ADGRL3: variants seen among roughly 807,000 people sequenced by gnomAD.
ADGRL3 encodes the protein adhesion G protein-coupled receptor L3.
Under a neutral mutation model 153.5 loss-of-function variants are expected in ADGRL3, and 62 were observed. The ratio of observed to expected loss-of-function variants is 0.40; its 90% CI spans 0.33 to 0.50. The LOEUF is 0.50. Among genes scored for constraint, ADGRL3 ranks in the 20% least tolerant of loss-of-function variants. ADGRL3 has a pLI of 0.47. For synonymous variants in ADGRL3, 710 were observed against 672.5 expected (o/e 1.06, Z -0.86); for missense variants, 1,641 against 1,859.4 (o/e 0.88, Z 2.16).
intron 13 of ADGRL3, among the ~76,000 whole-genome samples, chr4:61,930,666 A>C (rs2150095607): frequency 6.6e-6 from 1 of 152,310 alleles, no homozygotes; most frequent in South Asian, 2.1e-4. Flanking sequence ...GTCGCATTAA[A>C]AAATAATGCA....
intron 4 of ADGRL3, 82 bp from the exon 5 acceptor site, chr4:61,587,145 A>G (rs2098949737): frequency 1.2e-6 from 1 of 847,242 alleles, no homozygotes; most frequent in Admixed American, 2.6e-5. Flanking sequence ...ATTTACCCCA[A>G]ACATTGGAAA....
chr4:61,983,021 A>G (rs1260636906), intron 18 of ADGRL3, among the ~76,000 whole-genome samples: 1 of 152,036 alleles, frequency 6.6e-6, no homozygotes, highest in Non-Finnish European at 1.5e-5. Flanking sequence ...CTCTGACTCT[A>G]ACTCTAACTC....
chr4:61,754,688 A>T (rs1212798463), intron 8 of ADGRL3, among the ~76,000 whole-genome samples: 7 of 152,202 alleles, frequency 4.6e-5, no homozygotes, highest in Middle Eastern at 6.8e-3. Context: ...TTACATATGT[A>T]TACATGTGCC....
intron 3 of ADGRL3, among the ~76,000 whole-genome samples, chr4:61,512,482 A>G (rs2098468830): frequency 6.6e-6 from 1 of 152,142 alleles, no homozygotes; most frequent in African/African-American, 2.4e-5. Context: ...TTATAGATCT[A>G]TGATTTAAAT....
intron 6 of ADGRL3, among the ~76,000 whole-genome samples, chr4:61,685,785 T>C (rs1186688240): frequency 6.6e-6 from 1 of 152,118 alleles, no homozygotes; most frequent in Non-Finnish European, 1.5e-5. Context: ...CAAAATATGT[T>C]TGCAGAAGAG....
rs145762975 is a variant in ADGRL3, at chr4:61,482,270, A to G, written c.-173-14851A>G. ...GCTTCAACACTTTTCATTGTAAAAA[A>G]TCATCTGCTTTATCAGTCATCACTG... is the stretch of plus-strand genomic sequence containing the variant. On this transcript the variant is annotated intron_variant, in intron 2 of 26. Transcript: ENST00000683033. 6.9e-4 allele frequency among the ~76,000 whole-genome samples: 105 copies of G among 152,314 alleles called. 2 individuals are homozygous for G. In the East Asian group the frequency reaches 0.019, roughly 28 times the overall value.
intron 4 of ADGRL3, among the ~76,000 whole-genome samples, chr4:61,558,173 C>CATATATATATATATATAT (rs33947698): frequency 1.7e-4 from 22 of 129,030 alleles, no homozygotes; most frequent in South Asian, 1.0e-3. Context: ...ATGTAGGAAT[C>CATATATATATATATATAT]ATATATATAT....
intron 6 of ADGRL3, among the ~76,000 whole-genome samples, chr4:61,696,409 TAA>T (rs1362766062): frequency 6.6e-6 from 1 of 152,152 alleles, no homozygotes; most frequent in African/African-American, 2.4e-5. Context: ...AATGGTAGAC[TAA>T]GTGTGAATTT....
At chr4:61,436,223 A>C (rs1043626809) in intron 2 of ADGRL3, among the ~76,000 whole-genome samples, 10 of 152,162 alleles carry the variant, frequency 6.6e-5, no homozygotes, top group African/African-American at 2.4e-4. Flanking sequence ...ATTTCTAAAG[A>C]GGTTATAAAA....
chr4:61,835,948 G>A (rs1212128137), intron 9 of ADGRL3, among the ~76,000 whole-genome samples: 1 of 152,016 alleles, frequency 6.6e-6, no homozygotes, highest in African/African-American at 2.4e-5. Flanking sequence ...TAATTTTTAG[G>A]GGTAATCATG....
Position 61,852,503 on chromosome 4 carries a change from C to T in ADGRL3, c.1480+38614C>T, listed in dbSNP as rs994701156. Among the ~76,000 whole-genome samples the T allele has an allele frequency of 2.6e-5, 4 of 151,770 alleles. No individual in the cohort carries two copies. In the East Asian group the frequency reaches 5.8e-4, roughly 22 times the overall value. On this transcript the variant is annotated intron_variant, in intron 9 of 26. Transcript: ENST00000683033. Reference sequence around the variant, plus strand: ...CTAATTTTTGTCTTTTTAGTAGAGACGGGGTTTCGCCATGTTGGCCAGGCT... The same window carrying T: ...CTAATTTTTGTCTTTTTAGTAGAGATGGGGTTTCGCCATGTTGGCCAGGCT...
chr4:61,614,030 TA>T (rs1429552107), intron 5 of ADGRL3, among the ~76,000 whole-genome samples: 14 of 152,148 alleles, frequency 9.2e-5, no homozygotes, highest in African/African-American at 2.7e-4. Context: ...TCTCCACGTT[TA>T]TTTTTTTTAA....
chr4:61,346,981 A>T (rs1016798535), intron 1 of ADGRL3, among the ~76,000 whole-genome samples: 15 of 152,052 alleles, frequency 9.9e-5, no homozygotes, highest in African/African-American at 1.2e-4. Flanking sequence ...TAAGGAAGAG[A>T]GTACTAGAGG....
chr4:61,939,004 G>C (rs770377977), intron 15 of ADGRL3, among the ~76,000 whole-genome samples: 25 of 151,312 alleles, frequency 1.7e-4, no homozygotes, highest in Non-Finnish European at 2.8e-4. Context: ...GTTGGGGCCA[G>C]AAATAAGATA....
At position 61,742,938 on chromosome 4, in the gene ADGRL3, A is replaced by T. The variant is rs2096600009; in HGVS notation, c.1399+9384A>T. Among the ~76,000 whole-genome samples, 3 of 152,168 alleles carry T rather than the reference A, an allele frequency of 2.0e-5. 1 individual carries two copies. Among genetic ancestry groups the T allele is most frequent in the Admixed American group, 2.0e-4 (3 of 15,280 alleles). ...ATCTATTTATACTAGCGAAGATACAAATCAAAATTAGCCAGTGCTTTCTAT... is the reference window on the plus strand; with the variant it reads ...ATCTATTTATACTAGCGAAGATACATATCAAAATTAGCCAGTGCTTTCTAT... On this transcript the variant is annotated intron_variant, in intron 8 of 26. Transcript: ENST00000683033.
intron 2 of ADGRL3, among the ~76,000 whole-genome samples, chr4:61,484,325 T>C (rs1274415158): frequency 6.6e-6 from 1 of 152,170 alleles, no homozygotes; most frequent in Non-Finnish European, 1.5e-5. Context: ...TGAGGAGATG[T>C]TTTTGACTGC....
intron 9 of ADGRL3, among the ~76,000 whole-genome samples, chr4:61,846,071 C>G (rs894092194): frequency 6.6e-6 from 1 of 152,032 alleles, no homozygotes; most frequent in Non-Finnish European, 1.5e-5. Flanking sequence ...TTCCAGCATT[C>G]CAGAAGGCCA....
chr4:61,841,818 CTT>C (rs1192147100), intron 9 of ADGRL3, among the ~76,000 whole-genome samples: 1 of 152,162 alleles, frequency 6.6e-6, no homozygotes, highest in East Asian at 1.9e-4. Context: ...GCTGTCTAGA[CTT>C]TACTCTTGTG....
chr4:61,874,789 C>CTTTTTTTTT lies in ADGRL3; in HGVS notation c.1481-17845_1481-17837dup, dbSNP rs11432355. Among the ~76,000 whole-genome samples the CTTTTTTTTT allele has an allele frequency of 1.9e-4, 12 of 61,550 alleles. 2 individuals are homozygous for CTTTTTTTTT. Among genetic ancestry groups the CTTTTTTTTT allele is most frequent in the African/African-American group, 3.2e-4 (5 of 15,432 alleles). 40.4% of individuals were successfully genotyped at this position (61,550 alleles called of 152,430 possible). The stretch of plus-strand genomic sequence containing the variant: ...ATATTTTCAACGACATCAAAATGCT[C>CTTTTTTTTT]TTTTTTTTTTTTTTTTTTTTTTTTT... On this transcript the variant is annotated intron_variant, in intron 9 of 26. Transcript: ENST00000683033.
Sources: allele counts gnomAD v4.1 joint callset (sites outside exome capture counted in the v4.1 genomes callset), GRCh38; gene constraint gnomAD v4.1.1; transcripts MANE v1.5; gene names NCBI Gene and HGNC (gene_info 2026-07-23, HGNC 2026-07-21).